The following CHN2 variants were observed in gnomAD, a reference collection of about 807,000 sequenced individuals.
The protein encoded by CHN2 is chimerin 2.
CHN2 carries 35 observed loss-of-function variants against 56.3 expected under a neutral mutation model. That is an observed-to-expected ratio of 0.62 (90% CI 0.47 to 0.82). The LOEUF (loss-of-function observed/expected upper bound fraction) is 0.82, where lower values mean the gene tolerates loss of function less well. CHN2 is among the 40% of genes least tolerant of loss of function. The probability of loss-of-function intolerance (pLI) is 0.00; values close to 1 mark genes in which losing one functional copy is unlikely to be tolerated. For synonymous variants in CHN2, 210 were observed against 212.8 expected, an observed-to-expected ratio of 0.99 and a Z score of 0.12; for missense variants, 491 against 580.5, an observed-to-expected ratio of 0.85 and a Z score of 1.58.
At chr7:29,511,708 TTTTAATTATATTTTCCTAAACA>T (rs1583462305) in intron 12 of CHN2, among the ~76,000 whole-genome samples, 1 of 87,046 alleles carries the variant, frequency 1.1e-5, no homozygotes, top group East Asian at 2.6e-4. Context: ...CCTAAACACA[TTTTAATTATATTTTCCTAAACA>T]CATTTTAATT....
intron 1 of CHN2, among the ~76,000 whole-genome samples, chr7:29,298,332 C>T (rs1461891353): frequency 1.3e-5 from 2 of 152,120 alleles, no homozygotes; most frequent in African/African-American, 2.4e-5. Context: ...TCCCCCGTCC[C>T]CCCTCCCCCG....
intron 6 of CHN2, among the ~76,000 whole-genome samples, chr7:29,453,033 G>A (rs887420545): frequency 6.6e-6 from 1 of 152,238 alleles, no homozygotes; most frequent in Non-Finnish European, 1.5e-5. Context: ...ACTATAAAAT[G>A]CTAGCTGGTT....
At chr7:29,274,780 A>G (rs1287996157) in intron 1 of CHN2, among the ~76,000 whole-genome samples, 1 of 152,244 alleles carries the variant, frequency 6.6e-6, no homozygotes, top group Admixed American at 6.5e-5. Context: ...CTAGAAAAAT[A>G]TTCAGCTTTG....
chr7:29,278,860 A>T (rs568141974), intron 1 of CHN2, among the ~76,000 whole-genome samples: 4 of 152,142 alleles, frequency 2.6e-5, no homozygotes, highest in Admixed American at 2.6e-4. Context: ...CTCCTCTGTA[A>T]TTAGAAGGAT....
At chr7:29,509,524 C>T in intron 12 of CHN2, 118 bp downstream of exon 12, 1 of 710,822 alleles carries the variant, frequency 1.4e-6, no homozygotes, top group Non-Finnish European at 2.4e-6. Context: ...TGCCAGGAAC[C>T]ACTCCAGGCA....
At chr7:29,324,787 G>T (rs997222449) in intron 1 of CHN2, among the ~76,000 whole-genome samples, 2 of 152,092 alleles carry the variant, frequency 1.3e-5, no homozygotes, top group African/African-American at 2.4e-5. Flanking sequence ...AGAGTAAAGG[G>T]TTTATTTCTT....
chr7:29,371,780 C>A (rs1355098261), intron 3 of CHN2, among the ~76,000 whole-genome samples: 1 of 152,186 alleles, frequency 6.6e-6, no homozygotes, highest in African/African-American at 2.4e-5. Context: ...TGTACTTCTC[C>A]CTTCCCTACC....
At chr7:29,445,109 C>A (rs1380909108) in intron 6 of CHN2, 1 of 455,922 alleles carries the variant, frequency 2.2e-6, no homozygotes, top group South Asian at 1.6e-5. Flanking sequence ...CTCCTCCACG[C>A]TTTCTTCTGG....
At chr7:29,263,698 G>A (rs1468717615) in intron 1 of CHN2, among the ~76,000 whole-genome samples, 1 of 151,730 alleles carries the variant, frequency 6.6e-6, no homozygotes, top group Non-Finnish European at 1.5e-5. Context: ...TAGGAAGTGA[G>A]GAGTGTCTCT....
chr7:29,320,586 C>T (rs1795266272), intron 1 of CHN2, among the ~76,000 whole-genome samples: 1 of 152,162 alleles, frequency 6.6e-6, no homozygotes, highest in Admixed American at 6.5e-5. Flanking sequence ...GGCATCATTC[C>T]TCACTCACAT....
intron 1 of CHN2, among the ~76,000 whole-genome samples, chr7:29,319,246 AAG>A (rs1795171928): frequency 6.6e-6 from 1 of 152,236 alleles, no homozygotes; most frequent in African/African-American, 2.4e-5. Flanking sequence ...TCATCACAAA[AAG>A]AAAAAGATTC....
intron 1 of CHN2, among the ~76,000 whole-genome samples, chr7:29,232,885 G>A (rs1786832399): frequency 6.6e-6 from 1 of 152,082 alleles, no homozygotes; most frequent in Admixed American, 6.5e-5. Flanking sequence ...ACTATCCATT[G>A]ATTATTTTTA....
chr7:29,288,925 G>C (rs530349904), intron 1 of CHN2: 125 of 152,300 alleles, frequency 8.2e-4, no homozygotes, highest in Middle Eastern at 3.4e-3. Flanking sequence ...ACGCTTCATC[G>C]TGCCAACTCA....
chr7:29,366,929 A>G (rs1333524238), intron 2 of CHN2, among the ~76,000 whole-genome samples: 2 of 152,168 alleles, frequency 1.3e-5, no homozygotes, highest in African/African-American at 4.8e-5. Flanking sequence ...TTTTATTTTT[A>G]GACCTAAAAA....
At chr7:29,212,694 G>C (rs1161332215) in intron 1 of CHN2, 4 of 1,555,558 alleles carry the variant, frequency 2.6e-6, no homozygotes, top group Non-Finnish European at 3.5e-6. Context: ...TCCAATATCT[G>C]GAACCTCAGC....
intron 2 of CHN2, among the ~76,000 whole-genome samples, chr7:29,176,919 C>T (rs1797423381): frequency 6.6e-6 from 1 of 151,832 alleles, no homozygotes; most frequent in African/African-American, 2.4e-5. Context: ...GTTAAAATGC[C>T]TAGGTTAACT....
intron 1 of CHN2, among the ~76,000 whole-genome samples, chr7:29,245,377 G>A (rs1787990947): frequency 6.6e-6 from 1 of 152,170 alleles, no homozygotes; most frequent in East Asian, 1.9e-4. Context: ...AATTAAAGTG[G>A]CAAGAAGATA....
chr7:29,399,079 C>A (rs1013531984), intron 5 of CHN2, among the ~76,000 whole-genome samples: 1 of 152,194 alleles, frequency 6.6e-6, no homozygotes, highest in African/African-American at 2.4e-5. Flanking sequence ...GAAGCACCAG[C>A]AGTATATCAG....
intron 2 of CHN2, among the ~76,000 whole-genome samples, chr7:29,151,419 G>A (rs1257644376): frequency 5.3e-5 from 8 of 152,064 alleles, no homozygotes; most frequent in South Asian, 4.1e-4. Context: ...GTTTCCCTTC[G>A]GCTATGGAAA....
Sources: gnomAD v4.1 joint callset for allele counts (sites outside exome capture counted in the v4.1 genomes callset) on GRCh38, gnomAD v4.1.1 for gene constraint, MANE v1.5 for transcripts, NCBI Gene and HGNC (gene_info 2026-07-23, HGNC 2026-07-21) for gene names.